Variants in FER1L5 observed in about 807,000 individuals in gnomAD.
FER1L5 encodes the protein fer-1 like family member 5, also known as fer-1-like protein 5.
FER1L5 carries 187 observed loss-of-function variants against 279.9 expected under a neutral mutation model. The observed-to-expected ratio is 0.67, with a 90% CI of 0.59 to 0.75. The LOEUF (loss-of-function observed/expected upper bound fraction) is 0.75. Ranked by LOEUF, FER1L5 falls within the 30% of genes least tolerant of loss-of-function variation. FER1L5 has a pLI of 0.00. For missense variants in FER1L5, 2,091 were observed against 2,594.4 expected (o/e 0.81, Z 4.21); for synonymous variants, 921 against 989.7 (o/e 0.93, Z 1.30).
At position 96,661,715 on chromosome 2, in the gene FER1L5, C is replaced by A; in HGVS notation, c.942C>A (p.Ile314=). Residue 314 remains isoleucine (I), a synonymous_variant, in exon 12 of 53, where the codon ATC becomes ATA. Transcript: ENST00000624922. Reference sequence around the variant, plus strand: ...GCACCGATGACACCGATATTCAGATCTTCAAGTCAGCGGTAGTCCCGATCA... The same window carrying A: ...GCACCGATGACACCGATATTCAGATATTCAAGTCAGCGGTAGTCCCGATCA... ...LYGTDDTDIQ[I]FKSAVVPINM... 2 of 1,551,722 alleles carry A rather than the reference C, an allele frequency of 1.3e-6. No individual in the cohort carries two copies. The highest frequency in any genetic ancestry group is 1.7e-6 in the Non-Finnish European group (2 of 1,146,994).
chr2:96,668,017 C>T (rs946341160), intron 14 of FER1L5, among the ~76,000 whole-genome samples: 4 of 152,108 alleles, frequency 2.6e-5, no homozygotes, highest in Non-Finnish European at 5.9e-5. Flanking sequence ...AGTGCCACCA[C>T]ACCCAGCTAA....
rs76600007 is a variant in FER1L5, at chr2:96,702,072, G to C, written c.5159+29G>C. ...AGTGACAGCCCACTTCCCAACTGCT[G>C]CATTTCACAGTTCAGAACTCCCCCA... On this transcript the variant is annotated intron_variant, in intron 46 of 52. Coordinates refer to ENST00000624922, the MANE Select transcript of FER1L5 (RefSeq NM_001293083.2). This position sits in a 1 kb window ranked among gnomAD's most constrained non-coding sequence, Gnocchi z 4.0. 8.7e-6 allele frequency: 14 copies of C among 1,611,354 alleles called. No homozygotes were observed.
At chr2:96,666,061 C>A (rs1346833585) in intron 14 of FER1L5, among the ~76,000 whole-genome samples, 1 of 151,620 alleles carries the variant, frequency 6.6e-6, no homozygotes, top group Admixed American at 6.6e-5. Flanking sequence ...TGCCTTTAGC[C>A]CTTTGGAAAT....
chr2:96,689,211 AG>A lies in FER1L5; in HGVS notation c.2362-1del. Reference sequence around the variant, plus strand: ...CCGCCCTGACAAGCTTCCCTCCCCTAGTATGAGAATCAGGCCAAGTATAAAG... The same window carrying A: ...CCGCCCTGACAAGCTTCCCTCCCCTATATGAGAATCAGGCCAAGTATAAAG... On this transcript the variant is annotated splice_acceptor_variant, in intron 24 of 52. Transcript: ENST00000624922. LOFTEE classifies it high-confidence loss of function. This position sits in a 1 kb window ranked among gnomAD's most constrained non-coding sequence, Gnocchi z 4.6. 6.5e-7 allele frequency: 1 copy of A among 1,549,928 alleles called. No individual in the cohort carries two copies. The highest frequency in any genetic ancestry group is 8.7e-7 in the Non-Finnish European group (1 of 1,146,392).
chr2:96,704,838 C>T lies in FER1L5; in HGVS notation c.*146C>T, dbSNP rs960398803. Reference sequence around the variant, plus strand: ...TGTTCAGAAATCACTTTCAACAAGACGAGCAGAGCTGTAATTTTCCACTGA... The same window carrying T: ...TGTTCAGAAATCACTTTCAACAAGATGAGCAGAGCTGTAATTTTCCACTGA... On this transcript the variant is annotated 3_prime_UTR_variant, in exon 53 of 53. Coordinates refer to ENST00000624922, the MANE Select transcript of FER1L5 (RefSeq NM_001293083.2). 14 of 661,094 alleles carry T rather than the reference C, an allele frequency of 2.1e-5. No homozygotes were observed. The highest frequency in any genetic ancestry group is 5.5e-5 in the African/African-American group (3 of 54,830). The allele number at this position is 661,094 out of a possible 1,614,324, so 41.0% of individuals were successfully genotyped here.
rs2075986118 is a variant in FER1L5, at chr2:96,662,376, C to T, written c.1071+109C>T. 9.9e-6 allele frequency: 10 copies of T among 1,005,600 alleles called. No homozygotes were observed. In the South Asian group the frequency reaches 1.1e-4, roughly 11 times the overall value. 62.3% of individuals were successfully genotyped at this position (1,005,600 alleles called of 1,614,324 possible). On this transcript the variant is annotated intron_variant, in intron 13 of 52. Transcript: ENST00000624922. ...ACCACAGGAATCATCTCCCAGTCAC[C>T]CACTGAGAGAAGTATGCACCCCTGC... is the stretch of plus-strand genomic sequence containing the variant.
At chr2:96,670,355 G>C in intron 18 of FER1L5, 108 bp downstream of exon 18, 1 of 1,403,086 alleles carries the variant, frequency 7.1e-7, no homozygotes, top group Non-Finnish European at 9.6e-7. Context: ...GCCACTGGCT[G>C]TTGAGTGTGT....
chr2:96,664,138 AGAG>A (rs2076048098), intron 14 of FER1L5, among the ~76,000 whole-genome samples: 2 of 145,492 alleles, frequency 1.4e-5, no homozygotes, highest in South Asian at 2.2e-4. Flanking sequence ...AAAAAAGAAA[AGAG>A]AGAGAGAGAG....
chr2:96,648,002 C>T (rs1558835499), intron 4 of FER1L5, 116 bp downstream of exon 4: 4 of 702,638 alleles, frequency 5.7e-6, no homozygotes, highest in Non-Finnish European at 1.0e-5. Context: ...CACTGCCTTC[C>T]TCTCCTGACC....
At position 96,642,790 on chromosome 2, in the gene FER1L5, A is replaced by T; in HGVS notation, c.-47A>T. 6.5e-7 allele frequency: 1 copy of T among 1,534,112 alleles called. No individual in the cohort carries two copies. Among genetic ancestry groups the T allele is most frequent in the Non-Finnish European group, 8.8e-7 (1 of 1,135,932 alleles). ...TTGGACTGAGGAGCTCCAAAAAGGA[A>T]GCTGTGGCGCTGCGTAGGGAAGGAG... is the stretch of plus-strand genomic sequence containing the variant. On this transcript the variant is annotated 5_prime_UTR_variant, in exon 1 of 53. The change creates a new upstream start codon in the 5' untranslated region. Coordinates refer to ENST00000624922, the MANE Select transcript of FER1L5 (RefSeq NM_001293083.2).
chr2:96,677,100 C>G (rs1038248008), intron 19 of FER1L5, among the ~76,000 whole-genome samples: 1 of 152,252 alleles, frequency 6.6e-6, no homozygotes, highest in Non-Finnish European at 1.5e-5. Context: ...CCTCAGCTTC[C>G]TAAAGTGCTG....
chr2:96,662,597 T>C (rs1349260130), intron 13 of FER1L5, among the ~76,000 whole-genome samples: 1 of 152,198 alleles, frequency 6.6e-6, no homozygotes, highest in Non-Finnish European at 1.5e-5. Flanking sequence ...TGACATTCCA[T>C]GAACCTCTAT....
intron 6 of FER1L5, 36 bp downstream of exon 6, chr2:96,650,325 A>C (rs777327299): frequency 4.5e-5 from 68 of 1,502,362 alleles, no homozygotes; most frequent in Middle Eastern, 1.7e-4. Context: ...CATGGGACTC[A>C]CCTGACACTC....
intron 19 of FER1L5, among the ~76,000 whole-genome samples, chr2:96,682,209 C>T (rs2076755670): frequency 6.6e-6 from 1 of 152,188 alleles, no homozygotes; most frequent in Non-Finnish European, 1.5e-5. Context: ...GCCTCAGCCT[C>T]CCAGGTAGCT....
Position 96,654,674 on chromosome 2 carries a change from T to G in FER1L5, c.747+178T>G, listed in dbSNP as rs902714744. 31 of 349,228 alleles carry G rather than the reference T, an allele frequency of 8.9e-5. No homozygotes were observed. The Admixed American group carries it at 1.3e-3, about 15-fold the overall frequency. 21.6% of individuals were successfully genotyped at this position (349,228 alleles called of 1,614,324 possible). On this transcript the variant is annotated intron_variant, in intron 9 of 52. Coordinates refer to ENST00000624922, the MANE Select transcript of FER1L5 (RefSeq NM_001293083.2). ...CAGCACTTTGGGAGGCCGAGGCCGG[T>G]GGATCACGAGGTCAGGAGATCGAGA...
At chr2:96,659,338 C>CTTCCTTCCTTCCTTCCTTCCTTCTTTCT (rs1573815020) in intron 9 of FER1L5, among the ~76,000 whole-genome samples, 2 of 81,260 alleles carry the variant, frequency 2.5e-5, no homozygotes, top group East Asian at 8.3e-4. Flanking sequence ...TCCTTCCTTC[C>CTTCCTTCCTTCCTTCCTTCCTTCTTTCT]TTCCTTCCTT....
Position 96,662,240 on chromosome 2 carries a change from G to C in FER1L5, c.1044G>C (p.Gln348His), listed in dbSNP as rs1430587810. 4 of 1,551,512 alleles carry C rather than the reference G, an allele frequency of 2.6e-6. No individual in the cohort carries two copies. The highest frequency in any genetic ancestry group is 3.5e-6 in the Non-Finnish European group (4 of 1,146,964). The change falls in exon 13 of 53, where the codon CAG becomes CAC. Residue 348 changes from glutamine to histidine, a missense_variant. Gln to His is a conservative substitution (Grantham distance 24). Coordinates refer to ENST00000624922, the MANE Select transcript of FER1L5 (RefSeq NM_001293083.2). ...AGAAACACCAGTCAGTGAATCCTCAGTTGGAGGTGGAACTAATTGGGGAAA... is the reference window on the plus strand; with the variant it reads ...AGAAACACCAGTCAGTGAATCCTCACTTGGAGGTGGAACTAATTGGGGAAA... ...HLKKHQSVNPQLEVELIGEKL... is the reference protein window; with the variant it reads ...HLKKHQSVNPHLEVELIGEKL...
chr2:96,660,318 T>G (rs780791428), intron 9 of FER1L5, 23 bp from the exon 10 acceptor site: 2 of 1,551,546 alleles, frequency 1.3e-6, no homozygotes, highest in South Asian at 2.4e-5. Context: ...TAACTAATCC[T>G]CACCCCACTG....
chr2:96,695,752 C>CGGA lies in FER1L5; in HGVS notation c.3911_3913dup (p.Glu1304dup). On this transcript the variant is annotated inframe_insertion, in exon 36 of 53. Transcript: ENST00000624922. ...TCCTCGGGATTGCAGCTCATGCCGA[C>CGGA]GGAGGAGGCCTATGCACTGCCCCTC... 1 of 1,612,468 alleles carries CGGA rather than the reference C, an allele frequency of 6.2e-7. No homozygotes were observed. Among genetic ancestry groups the CGGA allele is most frequent in the East Asian group, 2.2e-5 (1 of 44,836 alleles).
Sources: allele counts gnomAD v4.1 joint callset (sites outside exome capture counted in the v4.1 genomes callset), GRCh38; gene constraint gnomAD v4.1.1; non-coding constraint Gnocchi (gnomAD v3.1); transcripts MANE v1.5; gene names NCBI Gene and HGNC (gene_info 2026-07-23, HGNC 2026-07-21).